N4BP2: variants seen among roughly 807,000 people sequenced by gnomAD.
N4BP2 encodes the protein NEDD4-binding protein 2.
In N4BP2, 91 loss-of-function variants were observed where a neutral mutation model predicts 152.8. The observed-to-expected ratio is 0.60, with a 90% CI of 0.50 to 0.71. N4BP2 has a LOEUF of 0.71. Ranked by LOEUF, N4BP2 falls within the 30% of genes least tolerant of loss-of-function variation. The pLI, the probability that N4BP2 is intolerant of heterozygous loss-of-function variation, is 0.00. For missense variants in N4BP2, 1,923 were observed against 2,059.1 expected (o/e 0.93, Z 1.28); for synonymous variants, 646 against 705.3 (o/e 0.92, Z 1.33).
At chr4:40,136,907 T>C in intron 13 of N4BP2, 37 bp from the exon 14 acceptor site, 1 of 1,494,842 alleles carries the variant, frequency 6.7e-7, no homozygotes, top group Non-Finnish European at 9.2e-7. Flanking sequence ...CTTATTTTCA[T>C]TTATTGACAT....
downstream of N4BP2, among the ~76,000 whole-genome samples, chr4:40,160,066 C>T (rs750266278): frequency 2.6e-5 from 4 of 151,848 alleles, no homozygotes; most frequent in South Asian, 4.2e-4. Flanking sequence ...GTGATCCATC[C>T]GCCTCAGCCT....
At chr4:40,145,302 C>T (rs1402477872) in intron 16 of N4BP2, among the ~76,000 whole-genome samples, 7 of 152,082 alleles carry the variant, frequency 4.6e-5, no homozygotes, top group African/African-American at 1.4e-4. Flanking sequence ...CGGTTCACTG[C>T]AACCTCTGTC....
At chr4:40,064,191 T>G (rs1271331793) in intron 1 of N4BP2, among the ~76,000 whole-genome samples, 4 of 152,236 alleles carry the variant, frequency 2.6e-5, no homozygotes, top group Non-Finnish European at 4.4e-5. Context: ...TATGGACCTG[T>G]GTATTCCAGG....
At chr4:40,108,840 C>CA (rs1716582136) in intron 5 of N4BP2, among the ~76,000 whole-genome samples, 1 of 147,176 alleles carries the variant, frequency 6.8e-6, no homozygotes, top group African/African-American at 2.5e-5. Flanking sequence ...TTTTTGGAGA[C>CA]AGAGTCCTGC....
the N4BP2 span, among the ~76,000 whole-genome samples, chr4:40,189,112 C>G: frequency 6.6e-6 from 1 of 152,028 alleles, no homozygotes; most frequent in East Asian, 1.9e-4. The surrounding 1 kb of genome is among the most constrained non-coding windows in gnomAD (Gnocchi z 4.3). Flanking sequence ...CGCCACTGCA[C>G]TCCAGCCTGG....
At chr4:40,153,813 G>A (rs1721367679) in intron 17 of N4BP2, among the ~76,000 whole-genome samples, 1 of 152,176 alleles carries the variant, frequency 6.6e-6, no homozygotes, top group African/African-American at 2.4e-5. Context: ...AGAGTTGAAA[G>A]CATTGCATGG....
chr4:40,134,487 C>G (rs1468838937), intron 13 of N4BP2, among the ~76,000 whole-genome samples: 1 of 152,140 alleles, frequency 6.6e-6, no homozygotes, highest in Non-Finnish European at 1.5e-5. Context: ...ATTCTCTCAG[C>G]TAGCAGTAGG....
At chr4:40,124,299 CG>C (rs1236785400) in intron 11 of N4BP2, 94 bp downstream of exon 11, 1 of 747,622 alleles carries the variant, frequency 1.3e-6, no homozygotes, top group African/African-American at 1.8e-5. Flanking sequence ...CCACAAAATA[CG>C]GTACCCACAA....
chr4:40,189,118 C>G, the N4BP2 span, among the ~76,000 whole-genome samples: 1 of 151,972 alleles, frequency 6.6e-6, no homozygotes, highest in East Asian at 1.9e-4. This position sits in a 1 kb window ranked among gnomAD's most constrained non-coding sequence, Gnocchi z 4.3. Context: ...TGCACTCCAG[C>G]CTGGCGCCAG....
intron 1 of N4BP2, among the ~76,000 whole-genome samples, chr4:40,063,018 A>G (rs968032344): frequency 1.3e-5 from 2 of 152,210 alleles, no homozygotes; most frequent in Admixed American, 1.3e-4. Flanking sequence ...ATGAAATAGT[A>G]ATTTTGGGGT....
the N4BP2 span, among the ~76,000 whole-genome samples, chr4:40,176,620 A>T: frequency 1.3e-5 from 2 of 152,224 alleles, no homozygotes; most frequent in Non-Finnish European, 2.9e-5. Flanking sequence ...AAACACGAGA[A>T]CAGTAACCGT....
At chr4:40,107,813 G>A (rs920453175) in intron 5 of N4BP2, among the ~76,000 whole-genome samples, 1 of 152,154 alleles carries the variant, frequency 6.6e-6, no homozygotes, top group Admixed American at 6.5e-5. Flanking sequence ...AAGGTACTTA[G>A]AATATTGTGT....
At chr4:40,178,765 T>C in the N4BP2 span, among the ~76,000 whole-genome samples, 1 of 151,978 alleles carries the variant, frequency 6.6e-6, no homozygotes, top group African/African-American at 2.4e-5. Context: ...TTCCTTTCAA[T>C]ATGAGCACAC....
intron 15 of N4BP2, among the ~76,000 whole-genome samples, chr4:40,144,353 A>T (rs1720312799): frequency 6.6e-6 from 1 of 152,176 alleles, no homozygotes; most frequent in African/African-American, 2.4e-5. Context: ...TAACTGTCAC[A>T]TGTGAGGATC....
the N4BP2 span, among the ~76,000 whole-genome samples, chr4:40,179,921 C>T: frequency 1.4e-4 from 21 of 152,070 alleles, no homozygotes; most frequent in Admixed American, 2.6e-4. Context: ...TGCGCCACCA[C>T]GCCCGGCTAC....
chr4:40,113,436 A>G lies in N4BP2; in HGVS notation c.1592A>G (p.Gln531Arg), dbSNP rs1717075796. ...TTTTGTCTTTGTTGTATGTAGTCTC[A>G]GAAACACAAATATAAAGTCCTTTTT... The part of the protein sequence containing the change: ...WEMKPYVALS[Q>R]KHKYKVLFRE... The change falls in exon 7 of 18, where the codon CAG becomes CGG. Residue 531 changes from glutamine (Q) to arginine (R), a missense_variant. Physicochemically the swap from Gln to Arg is conservative, Grantham distance 43. Transcript: ENST00000261435. 1 of 1,608,500 alleles carries G rather than the reference A, an allele frequency of 6.2e-7. No homozygotes were observed. Among genetic ancestry groups the G allele is most frequent in the East Asian group, 2.2e-5 (1 of 44,766 alleles).
chr4:40,138,180 G>C (rs1182427880), intron 14 of N4BP2, among the ~76,000 whole-genome samples: 1 of 152,166 alleles, frequency 6.6e-6, no homozygotes, highest in African/African-American at 2.4e-5. Context: ...GCATTTCCTT[G>C]ATGACTATTG....
At chr4:40,061,595 C>A (rs1733656998) in intron 1 of N4BP2, among the ~76,000 whole-genome samples, 1 of 151,530 alleles carries the variant, frequency 6.6e-6, no homozygotes, top group African/African-American at 2.4e-5. Flanking sequence ...AAACTCCTAA[C>A]CTCAGGTGAT....
intron 5 of N4BP2, among the ~76,000 whole-genome samples, chr4:40,107,742 A>G (rs1226671542): frequency 1.3e-5 from 2 of 152,172 alleles, no homozygotes; most frequent in African/African-American, 4.8e-5. Context: ...CTTATGTTAC[A>G]TAGTAAGAGG....
Sources: gnomAD v4.1 joint callset for allele counts (sites outside exome capture counted in the v4.1 genomes callset) on GRCh38, gnomAD v4.1.1 for gene constraint, Gnocchi (gnomAD v3.1) non-coding constraint, MANE v1.5 for transcripts, NCBI Gene and HGNC (gene_info 2026-07-23, HGNC 2026-07-21) for gene names.